Variants in LHFPL4 observed in about 807,000 individuals in gnomAD.
LHFPL4 encodes the protein LHFPL tetraspan subfamily member 4.
Under a neutral mutation model 20.0 loss-of-function variants are expected in LHFPL4, and 6 were observed. The ratio of observed to expected loss-of-function variants is 0.30; its 90% CI spans 0.16 to 0.59. LHFPL4 has a LOEUF of 0.59. Ranked by LOEUF, LHFPL4 falls within the 20% of genes least tolerant of loss-of-function variation. LHFPL4 has a pLI of 0.88. For missense variants in LHFPL4, 215 were observed against 331.2 expected (o/e 0.65, Z 2.72); for synonymous variants, 129 against 143.8 (o/e 0.90, Z 0.74).
At chr3:9,519,020 C>T (rs935915619) in intron 2 of LHFPL4, among the ~76,000 whole-genome samples, 20 of 152,030 alleles carry the variant, frequency 1.3e-4, no homozygotes, top group Admixed American at 7.9e-4. Context: ...TCACTACAAC[C>T]TCTGCCTCCT....
At chr3:9,521,707 C>CTT (rs58585470) in intron 2 of LHFPL4, among the ~76,000 whole-genome samples, 48 of 149,410 alleles carry the variant, frequency 3.2e-4, no homozygotes, top group African/African-American at 3.4e-4. Context: ...CCAGCCTCCA[C>CTT]TTTTTTTTTT....
chr3:9,502,036 C>G lies in LHFPL4; in HGVS notation c.*175G>C, dbSNP rs2046180216. The G allele has an allele frequency of 3.2e-6, 2 of 621,510 alleles. No individual in the cohort carries two copies. Among genetic ancestry groups the G allele is most frequent in the African/African-American group, 3.7e-5 (2 of 54,060 alleles). The allele number at this position is 621,510 out of a possible 1,614,324, so 38.5% of individuals were successfully genotyped here. ...TCCCAAGGTTTGGAGGGCCTCTCCT[C>G]TCCCCCAGGCCACATCCAGGCTTTC... is the stretch of plus-strand genomic sequence containing the variant. On this transcript the variant is annotated 3_prime_UTR_variant, in exon 4 of 4. Coordinates refer to ENST00000287585, the MANE Select transcript of LHFPL4 (RefSeq NM_198560.3).
intron 2 of LHFPL4, among the ~76,000 whole-genome samples, chr3:9,524,567 T>TA (rs1048382902): frequency 6.6e-6 from 1 of 152,208 alleles, no homozygotes; most frequent in African/African-American, 2.4e-5. Context: ...TCCTTTCTGT[T>TA]ACAGTGTTTT....
chr3:9,544,576 G>C (rs2046499952), intron 2 of LHFPL4, among the ~76,000 whole-genome samples: 1 of 152,148 alleles, frequency 6.6e-6, no homozygotes, highest in South Asian at 2.1e-4. Flanking sequence ...AGTGAGCCGA[G>C]ATCAGACCAC....
At chr3:9,541,892 T>TC (rs1385752447) in intron 2 of LHFPL4, among the ~76,000 whole-genome samples, 1 of 152,164 alleles carries the variant, frequency 6.6e-6, no homozygotes, top group Non-Finnish European at 1.5e-5. Context: ...GGAACATCTG[T>TC]CAGTTTCTCA....
intron 2 of LHFPL4, among the ~76,000 whole-genome samples, chr3:9,522,982 A>C (rs2046348320): frequency 6.9e-6 from 1 of 145,238 alleles, no homozygotes; most frequent in African/African-American, 2.5e-5. Context: ...CGGAGCTTGC[A>C]GTGAGCCGAG....
intron 2 of LHFPL4, among the ~76,000 whole-genome samples, chr3:9,530,882 A>T (rs543365751): frequency 1.3e-5 from 2 of 152,268 alleles, no homozygotes; most frequent in African/African-American, 4.8e-5. Context: ...AACAAGCGTG[A>T]GCCACCAGGC....
At chr3:9,523,451 TTTA>T (rs2125660615) in intron 2 of LHFPL4, among the ~76,000 whole-genome samples, 1 of 778 alleles carries the variant, frequency 1.3e-3, no homozygotes, top group Admixed American at 0.014. Flanking sequence ...AGACAGAGTC[TTTA>T]TTTATTTATT....
intron 2 of LHFPL4, among the ~76,000 whole-genome samples, chr3:9,540,113 C>G (rs540512682): frequency 3.4e-4 from 52 of 152,272 alleles, no homozygotes; most frequent in African/African-American, 1.2e-3. Context: ...TATCCTTATA[C>G]TTACATATGT....
chr3:9,504,218 A>G (rs1025410745), intron 3 of LHFPL4, among the ~76,000 whole-genome samples: 9 of 152,034 alleles, frequency 5.9e-5, no homozygotes, highest in African/African-American at 2.2e-4. Context: ...TAAGAATACA[A>G]CAGTTAGCTG....
intron 2 of LHFPL4, among the ~76,000 whole-genome samples, chr3:9,549,629 G>A (rs376303431): frequency 3.3e-5 from 5 of 152,264 alleles, no homozygotes; most frequent in African/African-American, 4.8e-5. Flanking sequence ...CCCAGAAGGC[G>A]GAGCTTGCAG....
chr3:9,531,256 T>C (rs2046406934), intron 2 of LHFPL4, among the ~76,000 whole-genome samples: 1 of 152,198 alleles, frequency 6.6e-6, no homozygotes. Context: ...AGCCACGAAG[T>C]GGGCACGTGC....
chr3:9,523,861 T>G (rs926476300), intron 2 of LHFPL4, among the ~76,000 whole-genome samples: 1 of 152,190 alleles, frequency 6.6e-6, no homozygotes, highest in Non-Finnish European at 1.5e-5. Context: ...CTTTGAACAC[T>G]TCTTGCAAAG....
At position 9,504,709 on chromosome 3, in the gene LHFPL4, T is replaced by C. The variant is rs183929418; in HGVS notation, c.643+1258A>G. Among the ~76,000 whole-genome samples the C allele has an allele frequency of 3.0e-3, 451 of 151,272 alleles. 3 individuals are homozygous for C. The highest frequency in any genetic ancestry group is 4.0e-3 in the African/African-American group (163 of 41,232). ...GCGTGGTGGCGGGTGCCTGTAGTCC[T>C]AGCTACTCAGGAGGCTGAGGCAGTA... On this transcript the variant is annotated intron_variant, in intron 3 of 3. Coordinates refer to ENST00000287585, the MANE Select transcript of LHFPL4 (RefSeq NM_198560.3).
intron 2 of LHFPL4, among the ~76,000 whole-genome samples, chr3:9,545,860 G>A (rs2046508570): frequency 6.6e-6 from 1 of 152,202 alleles, no homozygotes; most frequent in Non-Finnish European, 1.5e-5. Flanking sequence ...AGTAAGCCAT[G>A]ATCGCACCAC....
At chr3:9,536,077 G>A (rs1383202891) in intron 2 of LHFPL4, among the ~76,000 whole-genome samples, 3 of 152,090 alleles carry the variant, frequency 2.0e-5, no homozygotes, top group East Asian at 1.9e-4. Flanking sequence ...GATTACAAGC[G>A]TGAGCCACCA....
chr3:9,517,513 A>G (rs2046310865), intron 2 of LHFPL4, among the ~76,000 whole-genome samples: 1 of 151,580 alleles, frequency 6.6e-6, no homozygotes, highest in Non-Finnish European at 1.5e-5. Flanking sequence ...TTCCAGTCTG[A>G]GAAACAGACA....
intron 2 of LHFPL4, among the ~76,000 whole-genome samples, chr3:9,526,064 A>G (rs2046372880): frequency 1.3e-5 from 2 of 152,236 alleles, no homozygotes; most frequent in Admixed American, 1.3e-4. Context: ...AGAAATTCTG[A>G]CACATGATAC....
intron 2 of LHFPL4, among the ~76,000 whole-genome samples, chr3:9,521,232 CTT>C (rs34985785): frequency 5.0e-5 from 7 of 139,352 alleles, no homozygotes; most frequent in Admixed American, 1.5e-4. Flanking sequence ...TCTTCTTCTT[CTT>C]TTTTTTTTTT....
Sources: allele counts gnomAD v4.1 joint callset (sites outside exome capture counted in the v4.1 genomes callset), GRCh38; gene constraint gnomAD v4.1.1; transcripts MANE v1.5; gene names NCBI Gene and HGNC (gene_info 2026-07-23, HGNC 2026-07-21).